INPP4B: variants seen among roughly 807,000 people sequenced by gnomAD.
INPP4B encodes the protein inositol polyphosphate 4-phosphatase type II.
In INPP4B, 55 loss-of-function variants were observed where a neutral mutation model predicts 122.5. The ratio of observed to expected loss-of-function variants is 0.45; its 90% CI spans 0.36 to 0.56. The LOEUF (loss-of-function observed/expected upper bound fraction) is 0.56. Ranked by LOEUF, INPP4B falls within the 20% of genes least tolerant of loss-of-function variation. The pLI, the probability that INPP4B is intolerant of heterozygous loss-of-function variation, is 0.00. For missense variants in INPP4B, 1,000 were observed against 1,097.7 expected (o/e 0.91, Z 1.26); for synonymous variants, 403 against 388.7 (o/e 1.04, Z -0.43).
At chr4:142,605,077 C>A (rs1179865075) in intron 2 of INPP4B, among the ~76,000 whole-genome samples, 1 of 151,902 alleles carries the variant, frequency 6.6e-6, no homozygotes, top group Non-Finnish European at 1.5e-5. Context: ...TATTTATAGC[C>A]AACTGATCTT....
intron 2 of INPP4B, among the ~76,000 whole-genome samples, chr4:142,719,073 T>C (rs1236336098): frequency 6.6e-6 from 1 of 152,184 alleles, no homozygotes; most frequent in Non-Finnish European, 1.5e-5. Context: ...CTTGAATGGA[T>C]TTAAAGCAGA....
chr4:142,699,355 G>C (rs1490635352), intron 2 of INPP4B, among the ~76,000 whole-genome samples: 1 of 152,048 alleles, frequency 6.6e-6, no homozygotes, highest in Admixed American at 6.6e-5. Context: ...TAAATGTCAT[G>C]GTTGTTTATT....
chr4:142,057,107 A>G lies in INPP4B; in HGVS notation c.2642+24924T>C, dbSNP rs1464491016. ...TGATGGCAGCGTACACATATTCCAG[A>G]AAGATAGGCACCATGGAAGTAATTA... On this transcript the variant is annotated intron_variant, in intron 25 of 25. Transcript: ENST00000262992. 2.3e-5 allele frequency among the ~76,000 whole-genome samples: 3 copies of G among 131,120 alleles called. No homozygotes were observed. The Admixed American group carries it at 2.5e-4, about 11-fold the overall frequency. The allele number at this position is 131,120 out of a possible 152,430, so 86.0% of individuals were successfully genotyped here.
intron 11 of INPP4B, among the ~76,000 whole-genome samples, chr4:142,254,965 T>C (rs1734883040): frequency 6.6e-6 from 1 of 152,002 alleles, no homozygotes; most frequent in African/African-American, 2.4e-5. Context: ...AAAGGTCGGG[T>C]TACCCTCAAA....
chr4:142,524,374 C>T (rs866357844), intron 2 of INPP4B, among the ~76,000 whole-genome samples: 2 of 151,850 alleles, frequency 1.3e-5, no homozygotes, highest in Non-Finnish European at 1.5e-5. Context: ...TGGTATCTCA[C>T]TGTGGTTTTG....
chr4:142,229,860 A>C (rs1303873097), intron 12 of INPP4B, among the ~76,000 whole-genome samples: 1 of 152,198 alleles, frequency 6.6e-6, no homozygotes, highest in Non-Finnish European at 1.5e-5. Flanking sequence ...GGAAGAAGGA[A>C]AGTAAAATTC....
At chr4:142,275,068 C>T (rs1316044033) in intron 9 of INPP4B, among the ~76,000 whole-genome samples, 2 of 151,734 alleles carry the variant, frequency 1.3e-5, no homozygotes, top group Non-Finnish European at 1.5e-5. Flanking sequence ...TAAAATCTGC[C>T]TTTAAAATGG....
At chr4:142,207,939 C>T (rs1323016862) in intron 14 of INPP4B, among the ~76,000 whole-genome samples, 3 of 151,992 alleles carry the variant, frequency 2.0e-5, no homozygotes, top group Admixed American at 6.6e-5. Context: ...CAACTGAGTA[C>T]ATTTAAATAC....
Position 142,501,634 on chromosome 4 carries a change from G to A in INPP4B, c.-190-38908C>T, listed in dbSNP as rs79080340. Among the ~76,000 whole-genome samples, 1,047 of 152,008 alleles carry A rather than the reference G, an allele frequency of 6.9e-3. 14 individuals are homozygous for A. Among genetic ancestry groups the A allele is most frequent in the African/African-American group, 0.024 (989 of 41,502 alleles). On this transcript the variant is annotated intron_variant, in intron 2 of 25. Transcript: ENST00000262992. ...AGAGGAATTTTAAGAAGAGAAAAAA[G>A]AACTAATGAAGGCAAAGTGACAATT... is the stretch of plus-strand genomic sequence containing the variant.
chr4:142,621,041 A>T (rs1744810084), intron 2 of INPP4B, among the ~76,000 whole-genome samples: 5 of 152,014 alleles, frequency 3.3e-5, no homozygotes, highest in African/African-American at 1.2e-4. Context: ...AATCTAGTGT[A>T]TCTGGATTTT....
At chr4:142,692,112 T>C (rs141123443) in intron 2 of INPP4B, among the ~76,000 whole-genome samples, 1 of 152,250 alleles carries the variant, frequency 6.6e-6, no homozygotes, top group East Asian at 1.9e-4. Flanking sequence ...GATTAGGTTA[T>C]CATGAAGGAG....
intron 1 of INPP4B, among the ~76,000 whole-genome samples, chr4:142,768,779 G>C (rs568605372): frequency 2.6e-5 from 4 of 152,256 alleles, no homozygotes; most frequent in Admixed American, 2.6e-4. Flanking sequence ...GAATTCCATG[G>C]CTGACTGTCA....
chr4:142,424,409 G>A (rs1375212170), intron 5 of INPP4B, among the ~76,000 whole-genome samples: 1 of 151,908 alleles, frequency 6.6e-6, no homozygotes, highest in Non-Finnish European at 1.5e-5. Flanking sequence ...AAATTTACAT[G>A]TGTACATTGC....
intron 1 of INPP4B, among the ~76,000 whole-genome samples, chr4:142,794,702 T>C (rs1224899078): frequency 6.6e-6 from 1 of 151,804 alleles, no homozygotes; most frequent in Non-Finnish European, 1.5e-5. Context: ...ATTTGTAATA[T>C]ATTAAAATAT....
intron 2 of INPP4B, among the ~76,000 whole-genome samples, chr4:142,679,062 AT>A (rs1758214425): frequency 6.6e-6 from 1 of 151,848 alleles, no homozygotes; most frequent in Non-Finnish European, 1.5e-5. Context: ...ACTTCAGTTT[AT>A]TTTTACCTCT....
intron 14 of INPP4B, among the ~76,000 whole-genome samples, chr4:142,200,662 G>C (rs760680524): frequency 4.6e-5 from 7 of 151,860 alleles, no homozygotes; most frequent in Admixed American, 1.3e-4. Context: ...TTGGGGATAA[G>C]AAATTCTAAG....
At chr4:142,273,389 T>C (rs1243215293) in intron 9 of INPP4B, among the ~76,000 whole-genome samples, 1 of 151,970 alleles carries the variant, frequency 6.6e-6, no homozygotes, top group African/African-American at 2.4e-5. Flanking sequence ...TAAGGTCTCA[T>C]GGCATATGCT....
intron 5 of INPP4B, 51 bp from the exon 6 acceptor site, chr4:142,405,375 G>A (rs1273736599): frequency 1.8e-6 from 2 of 1,126,488 alleles, no homozygotes; most frequent in East Asian, 2.4e-5. Flanking sequence ...CCATATCTCA[G>A]GGAAAACTTC....
At chr4:142,410,109 CTT>C (rs1303604038) in intron 5 of INPP4B, among the ~76,000 whole-genome samples, 2 of 152,244 alleles carry the variant, frequency 1.3e-5, no homozygotes, top group African/African-American at 4.8e-5. Flanking sequence ...AAAAATACCT[CTT>C]GATTCACATC....
Sources: allele counts gnomAD v4.1 joint callset (sites outside exome capture counted in the v4.1 genomes callset), GRCh38; gene constraint gnomAD v4.1.1; transcripts MANE v1.5; gene names NCBI Gene and HGNC (gene_info 2026-07-23, HGNC 2026-07-21).